The following ASAP3 variants were observed in gnomAD, a reference collection of about 807,000 sequenced individuals.
ASAP3 encodes the protein arf-GAP with SH3 domain, ANK repeat and PH domain-containing protein 3.
A neutral mutation model predicts 118.2 loss-of-function variants in ASAP3; 85 were observed. The ratio of observed to expected loss-of-function variants is 0.72; its 90% CI spans 0.60 to 0.86. ASAP3 has a LOEUF of 0.86. Among genes scored for constraint, ASAP3 ranks in the 40% least tolerant of loss-of-function variants. The probability of loss-of-function intolerance (pLI) is 0.00; values close to 1 mark genes in which losing one functional copy is unlikely to be tolerated. For synonymous variants in ASAP3, 432 were observed against 477.4 expected, an observed-to-expected ratio of 0.90 and a Z score of 1.24; for missense variants, 1,026 against 1,175.0, an observed-to-expected ratio of 0.87 and a Z score of 1.85.
chr1:23,449,328 T>C (rs1421608891), intron 5 of ASAP3, among the ~76,000 whole-genome samples: 1 of 152,180 alleles, frequency 6.6e-6, no homozygotes, highest in Non-Finnish European at 1.5e-5. Flanking sequence ...GTCCCTATTG[T>C]ACAGATGAGG....
chr1:23,479,571 T>A (rs2148666145), intron 1 of ASAP3, among the ~76,000 whole-genome samples: 1 of 152,266 alleles, frequency 6.6e-6, no homozygotes, highest in East Asian at 1.9e-4. Context: ...CAAAGCAAAC[T>A]GTAAAATTCA....
intron 1 of ASAP3, among the ~76,000 whole-genome samples, chr1:23,474,794 G>C (rs1021701560): frequency 6.6e-6 from 1 of 152,056 alleles, no homozygotes; most frequent in Non-Finnish European, 1.5e-5. Flanking sequence ...TGTTGGCCAG[G>C]CTGGTCTCAA....
At chr1:23,475,969 A>T (rs577093357) in intron 1 of ASAP3, among the ~76,000 whole-genome samples, 65 of 144,246 alleles carry the variant, frequency 4.5e-4, no homozygotes, top group Non-Finnish European at 6.2e-4. Flanking sequence ...ACAAAAAATT[A>T]AAAAAAAAAA....
chr1:23,436,595 T>G lies in ASAP3; in HGVS notation c.1536A>C (p.Ser512=). ...CAGCTGAGGGTTTAGGGCCGCCGTG[T>G]GAGGGTAGCTGGGCCTCCATGACCT... ...FNEVMEAQLP[S]HGGPKPSAES... Residue 512 remains serine, a synonymous_variant, in exon 16 of 25, where the codon TCA becomes TCC. Coordinates refer to ENST00000336689, the MANE Select transcript of ASAP3 (RefSeq NM_017707.4). This position sits in a 1 kb window ranked among gnomAD's most constrained non-coding sequence, Gnocchi z 4.2. 25 of 1,614,188 alleles carry G rather than the reference T, an allele frequency of 1.5e-5. No individual in the cohort carries two copies. Among genetic ancestry groups the G allele is most frequent in the Non-Finnish European group, 2.1e-5 (25 of 1,180,022 alleles).
rs1470793343 is a variant in ASAP3 at position 23,456,114 on chromosome 1, T to A, written c.202+8A>T. 1 of 1,613,922 alleles carries A rather than the reference T, an allele frequency of 6.2e-7. No homozygotes were observed. The highest frequency in any genetic ancestry group is 8.5e-7 in the Non-Finnish European group (1 of 1,180,018). The stretch of plus-strand genomic sequence containing the variant: ...TGACCAGGCGGGGCACCCAGGAGGC[T>A]CACTTACCAAGGCCGGAGCTATGGA... On this transcript the variant is annotated splice_region_variant and intron_variant, in intron 2 of 24. Coordinates refer to ENST00000336689, the MANE Select transcript of ASAP3 (RefSeq NM_017707.4).
rs1288724257 is a variant in ASAP3, at chr1:23,442,250, T to C, written c.607A>G (p.Ser203Gly). The C allele has an allele frequency of 1.2e-6, 2 of 1,606,000 alleles. No homozygotes were observed. Among genetic ancestry groups the C allele is most frequent in the Admixed American group, 1.7e-5 (1 of 58,532 alleles). ...MCEYLLKAGESQMKQGPDFLQ... is the reference protein window; with the variant it reads ...MCEYLLKAGEGQMKQGPDFLQ... ...AAGTCAGGACCTTGCTTCATCTGGC[T>C]CTCCCCGGCTTTGAGCAGATACTAG... The change falls in exon 7 of 25, where the codon AGC becomes GGC. Residue 203 changes from serine (S) to glycine (G), a missense_variant. Physicochemically the swap from Ser to Gly is moderately conservative, Grantham distance 56. Transcript: ENST00000336689.
At chr1:23,471,951 A>G (rs1198078205) in intron 1 of ASAP3, among the ~76,000 whole-genome samples, 3 of 152,186 alleles carry the variant, frequency 2.0e-5, no homozygotes, top group South Asian at 2.1e-4. Flanking sequence ...GACAACACGG[A>G]TGAACCTTGA....
At position 23,464,179 on chromosome 1, in the gene ASAP3, CA is replaced by C. The variant is rs538178084; in HGVS notation, c.130-7986del. Among the ~76,000 whole-genome samples the C allele has an allele frequency of 3.0e-3, 420 of 139,686 alleles. 1 individual carries two copies. The highest frequency in any genetic ancestry group is 6.6e-3 in the African/African-American group (251 of 38,092). 91.6% of individuals were successfully genotyped at this position (139,686 alleles called of 152,430 possible). A position where few individuals can be genotyped will look rare whatever the true frequency, so the allele number is the denominator to read the frequency against. ...GTGAGACCCCCACCCCGATCTATAC[CA>C]AAAAAAAAAAAAATTTTTTTTTTTG... is the stretch of plus-strand genomic sequence containing the variant. On this transcript the variant is annotated intron_variant, in intron 1 of 24. Transcript: ENST00000336689.
At chr1:23,484,225 G>T (rs1282666950), upstream of ASAP3, 3 of 1,166,430 alleles carry the variant, frequency 2.6e-6, no homozygotes, top group African/African-American at 3.2e-5. Context: ...CGGGGGCGCC[G>T]TCCCGGCCTC....
intron 1 of ASAP3, among the ~76,000 whole-genome samples, chr1:23,469,466 T>C (rs968241022): frequency 1.3e-5 from 2 of 152,058 alleles, no homozygotes; most frequent in Non-Finnish European, 1.5e-5. Context: ...ATTCTCAACA[T>C]AGAAAGTTTA....
intron 20 of ASAP3, 41 bp from the exon 21 acceptor site, chr1:23,433,573 C>T: frequency 6.2e-7 from 1 of 1,614,188 alleles, no homozygotes; most frequent in Non-Finnish European, 8.5e-7. Context: ...GGGTTGGGGG[C>T]TCAGCAGGGA....
rs776081198 is a variant in ASAP3 at position 23,428,615 on chromosome 1, G to A, written c.*1241C>T. The A allele has an allele frequency of 3.9e-5, 6 of 152,390 alleles. No homozygotes were observed. In the South Asian group the frequency reaches 1.2e-3, roughly 32 times the overall value. 9.4% of individuals were successfully genotyped at this position (152,390 alleles called of 1,614,324 possible). A position where few individuals can be genotyped will look rare whatever the true frequency, so the allele number is the denominator to read the frequency against. Reference sequence around the variant, plus strand: ...ATGAGTGAAATAACAAGTCTGAGATGAATGAAACCAGACACTGGGGGCTCA... The same window carrying A: ...ATGAGTGAAATAACAAGTCTGAGATAAATGAAACCAGACACTGGGGGCTCA... On this transcript the variant is annotated 3_prime_UTR_variant, in exon 25 of 25. Coordinates refer to ENST00000336689, the MANE Select transcript of ASAP3 (RefSeq NM_017707.4).
Position 23,436,706 on chromosome 1 carries a change from C to T in ASAP3, c.1477-52G>A. 6.2e-7 allele frequency: 1 copy of T among 1,607,608 alleles called. No individual in the cohort carries two copies. The highest frequency in any genetic ancestry group is 8.5e-7 in the Non-Finnish European group (1 of 1,174,326). The stretch of plus-strand genomic sequence containing the variant: ...GGCGGAGTAAGACCGGGCGGTTAAG[C>T]CTGCATAGGGTGGAGCTCCAAGCCC... On this transcript the variant is annotated intron_variant, in intron 15 of 24. Coordinates refer to ENST00000336689, the MANE Select transcript of ASAP3 (RefSeq NM_017707.4). This position sits in a 1 kb window ranked among gnomAD's most constrained non-coding sequence, Gnocchi z 4.2.
In ASAP3 at chr1:23,433,440, C is replaced by A. The variant is rs754828129; in HGVS notation, c.2112G>T (p.Glu704Asp). Reference protein sequence around the residue: ...ISTEPGSDSEEDEEEKRCLLK... With the variant: ...ISTEPGSDSEDDEEEKRCLLK... ...TGGGACCCACCTTCTCTTCCTCATC[C>A]TCCTCACTGTCAGAGCCAGGCTCTG... is the stretch of plus-strand genomic sequence containing the variant. The change falls in exon 21 of 25, where the codon GAG (glutamate) becomes GAT (aspartate). Residue 704 changes from glutamate (E) to aspartate (D), a missense_variant. By Grantham distance (45) the Glu-to-Asp change is conservative (BLOSUM62 2). Transcript: ENST00000336689. The A allele has an allele frequency of 4.3e-6, 7 of 1,614,068 alleles. No individual in the cohort carries two copies. The East Asian group carries it at 1.3e-4, about 31-fold the overall frequency.
Position 23,444,113 on chromosome 1 carries a change from T to G in ASAP3, c.474-1501A>C, listed in dbSNP as rs543037372. 3.9e-5 allele frequency among the ~76,000 whole-genome samples: 6 copies of G among 152,182 alleles called. No homozygotes were observed. In the South Asian group the frequency reaches 1.2e-3, roughly 32 times the overall value. ...TTGAACTCGGGCCTCAAGTGATCTG[T>G]CCACCTCAGCCTCTGAAAGTGCTGA... On this transcript the variant is annotated intron_variant, in intron 5 of 24. Coordinates refer to ENST00000336689, the MANE Select transcript of ASAP3 (RefSeq NM_017707.4).
intron 3 of ASAP3, 23 bp downstream of exon 3, chr1:23,455,858 C>T (rs775833924): frequency 7.4e-6 from 12 of 1,613,266 alleles, no homozygotes; most frequent in Non-Finnish European, 9.3e-6. Flanking sequence ...TGAGTCTGGG[C>T]AAGGAAGAGA....
chr1:23,436,537 CCTCT>C lies in ASAP3; in HGVS notation c.1571+19_1571+22del, dbSNP rs146267141. ...GGCAGAATCCCCTAGGCAGGGTGCC[CCTCT>C]CTCTGAGAATCCCCTTACATGTCAC... On this transcript the variant is annotated intron_variant, in intron 16 of 24. Transcript: ENST00000336689. This position sits in a 1 kb window ranked among gnomAD's most constrained non-coding sequence, Gnocchi z 4.2. 2,290 of 1,612,776 alleles carry C rather than the reference CCTCT, an allele frequency of 1.4e-3. 21 individuals carry two copies. In the African/African-American group the frequency reaches 0.027, roughly 19 times the overall value.
intron 1 of ASAP3, among the ~76,000 whole-genome samples, chr1:23,463,596 T>TTATTTTTA (rs1641665279): frequency 6.6e-6 from 1 of 152,060 alleles, no homozygotes; most frequent in Non-Finnish European, 1.5e-5. Flanking sequence ...AAATAGATTT[T>TTATTTTTA]TATTTTTTTA....
chr1:23,435,763 G>T, intron 17 of ASAP3, 88 bp downstream of exon 17: 2 of 1,450,164 alleles, frequency 1.4e-6, no homozygotes, highest in Non-Finnish European at 1.9e-6. Flanking sequence ...CAGAGGTGGG[G>T]TGGAGGGGAG....
Sources: allele counts gnomAD v4.1 joint callset (sites outside exome capture counted in the v4.1 genomes callset), GRCh38; gene constraint gnomAD v4.1.1; non-coding constraint Gnocchi (gnomAD v3.1); transcripts MANE v1.5; gene names NCBI Gene and HGNC (gene_info 2026-07-23, HGNC 2026-07-21).